The following IGSF10 variants were observed in gnomAD, a reference collection of about 807,000 sequenced individuals.
The protein encoded by IGSF10 is calvaria mechanical force protein 608.
Under a neutral mutation model 128.2 loss-of-function variants are expected in IGSF10, and 126 were observed. That is an observed-to-expected ratio of 0.98 (90% CI 0.85 to 1.14). IGSF10 has a LOEUF of 1.14. IGSF10 is among the 50% of genes most tolerant of loss of function. The pLI is 0.00. For synonymous variants in IGSF10, 1,185 were observed against 1,146.2 expected (o/e 1.03, Z -0.68); for missense variants, 3,295 against 3,149.8 (o/e 1.05, Z -1.10).
the IGSF10 span, among the ~76,000 whole-genome samples, chr3:151,467,305 C>A: frequency 6.6e-6 from 1 of 152,152 alleles, no homozygotes; most frequent in Non-Finnish European, 1.5e-5. Flanking sequence ...CCTGATCAGC[C>A]AGGCCTGTCT....
chr3:151,447,204 G>A lies in IGSF10; in HGVS notation c.2777C>T (p.Thr926Ile). Residue 926 changes from threonine (T) to isoleucine (I), a missense_variant, in exon 6 of 8, where the codon ACT becomes ATT. By Grantham distance (89) the Thr-to-Ile change is moderately conservative. Transcript: ENST00000282466. ...FQSRPPITVR[T>I]MIKDVNVKML... ...TTTGACATTGACATCTTTGATCATAGTCCTTACTGTTATTGGGGGTCTACT... is the reference window on the plus strand; with the variant it reads ...TTTGACATTGACATCTTTGATCATAATCCTTACTGTTATTGGGGGTCTACT... The A allele has an allele frequency of 6.2e-7, 1 of 1,614,184 alleles. No homozygotes were observed. Among genetic ancestry groups the A allele is most frequent in the Non-Finnish European group, 8.5e-7 (1 of 1,180,026 alleles).
the IGSF10 span, among the ~76,000 whole-genome samples, chr3:151,545,848 A>G: frequency 6.6e-6 from 1 of 152,186 alleles, no homozygotes; most frequent in African/African-American, 2.4e-5. Context: ...TGAAATTGTC[A>G]TGAATCAGGA....
the IGSF10 span, among the ~76,000 whole-genome samples, chr3:151,519,673 T>G: frequency 6.6e-6 from 1 of 151,734 alleles, no homozygotes; most frequent in African/African-American, 2.4e-5. Context: ...GTATATAGTG[T>G]GAAAGGCATG....
chr3:151,445,702 C>T lies in IGSF10; in HGVS notation c.4279G>A (p.Ala1427Thr). Residue 1427 changes from alanine to threonine, a missense_variant, in exon 6 of 8, where the codon GCA (alanine) becomes ACA (threonine). By Grantham distance (58) the Ala-to-Thr change is moderately conservative. Coordinates refer to ENST00000282466, the MANE Select transcript of IGSF10 (RefSeq NM_178822.5). ...LTDVIEELAQ[A>T]STQTLKSTIA... is the part of the protein sequence containing the mutation. Reference sequence around the variant, plus strand: ...GTGCTCTTCAAAGTCTGAGTACTTGCTTGGGCTAGTTCTTCAATCACATCT... The same window carrying T: ...GTGCTCTTCAAAGTCTGAGTACTTGTTTGGGCTAGTTCTTCAATCACATCT... 6.2e-7 allele frequency: 1 copy of T among 1,614,222 alleles called. No homozygotes were observed. The highest frequency in any genetic ancestry group is 2.2e-5 in the East Asian group (1 of 44,890).
the IGSF10 span, among the ~76,000 whole-genome samples, chr3:151,489,469 T>C: frequency 2.8e-4 from 42 of 152,330 alleles, no homozygotes; most frequent in African/African-American, 9.9e-4. Flanking sequence ...ATCTCATTAC[T>C]GGGTATATAC....
the IGSF10 span, among the ~76,000 whole-genome samples, chr3:151,471,083 T>TG: frequency 6.6e-6 from 1 of 152,188 alleles, no homozygotes; most frequent in South Asian, 2.1e-4. Context: ...TATTGAATCA[T>TG]GGGGGTGGGT....
chr3:151,458,559 T>TG lies in IGSF10; in HGVS notation c.150dup (p.Ile51HisfsTer21), dbSNP rs775382478. ...ACATTGGGCGGGATGCTGTCTGGGA[T>TG]GGAAGTCAGGTACCGAAATGTGCAG... is the stretch of plus-strand genomic sequence containing the variant. On this transcript the variant is annotated frameshift_variant, in exon 3 of 8. Coordinates refer to ENST00000282466, the MANE Select transcript of IGSF10 (RefSeq NM_178822.5). LOFTEE classifies it high-confidence loss of function. 2 of 1,614,138 alleles carry TG rather than the reference T, an allele frequency of 1.2e-6. No homozygotes were observed. Among genetic ancestry groups the TG allele is most frequent in the South Asian group, 2.2e-5 (2 of 91,066 alleles).
the IGSF10 span, among the ~76,000 whole-genome samples, chr3:151,618,785 A>C: frequency 6.7e-6 from 1 of 149,884 alleles, no homozygotes; most frequent in Non-Finnish European, 1.5e-5. Flanking sequence ...ATTAAAAATA[A>C]AAATAAAATA....
chr3:151,437,688 T>C lies in IGSF10; in HGVS notation c.6873A>G (p.Thr2291=). ...LTAPYYGSRI[T]VHKNGTLEIR... is the part of the protein sequence containing the mutation. Reference sequence around the variant, plus strand: ...TTTCCAAGGTTCCATTTTTATGGACTGTGATTCTGCTTCCATAGTATGGGG... The same window carrying C: ...TTTCCAAGGTTCCATTTTTATGGACCGTGATTCTGCTTCCATAGTATGGGG... Residue 2291 remains threonine (T), a synonymous_variant, in exon 8 of 8, where the codon ACA becomes ACG. Coordinates refer to ENST00000282466, the MANE Select transcript of IGSF10 (RefSeq NM_178822.5). 1.2e-6 allele frequency: 2 copies of C among 1,614,222 alleles called. No homozygotes were observed. The highest frequency in any genetic ancestry group is 1.6e-4 in the Middle Eastern group (1 of 6,062).
At chr3:151,524,867 A>AT in the IGSF10 span, among the ~76,000 whole-genome samples, 1 of 151,716 alleles carries the variant, frequency 6.6e-6, no homozygotes, top group Non-Finnish European at 1.5e-5. Context: ...GTGGATTTTG[A>AT]TTTTTTCCTT....
the IGSF10 span, among the ~76,000 whole-genome samples, chr3:151,571,468 T>C: frequency 6.6e-6 from 1 of 152,174 alleles, no homozygotes; most frequent in Non-Finnish European, 1.5e-5. Flanking sequence ...AGGTATTTTA[T>C]TCTCTTTGTT....
At chr3:151,559,710 G>C in the IGSF10 span, among the ~76,000 whole-genome samples, 1 of 152,208 alleles carries the variant, frequency 6.6e-6, no homozygotes, top group East Asian at 1.9e-4. Flanking sequence ...AGAGGATAGG[G>C]GAGGGTATGG....
chr3:151,559,244 C>G, the IGSF10 span, among the ~76,000 whole-genome samples: 1 of 152,154 alleles, frequency 6.6e-6, no homozygotes. Context: ...AAAGCACAGG[C>G]ACGTACCTGA....
At chr3:151,468,047 G>A in the IGSF10 span, among the ~76,000 whole-genome samples, 1 of 152,244 alleles carries the variant, frequency 6.6e-6, no homozygotes, top group Non-Finnish European at 1.5e-5. Flanking sequence ...AACTCGCTTA[G>A]AGACATTGTT....
At chr3:151,586,464 G>T in the IGSF10 span, among the ~76,000 whole-genome samples, 4 of 151,870 alleles carry the variant, frequency 2.6e-5, no homozygotes, top group Non-Finnish European at 4.4e-5. Flanking sequence ...GCTTATCTGA[G>T]GAATAAAAAC....
chr3:151,601,299 C>T, the IGSF10 span, among the ~76,000 whole-genome samples: 2 of 151,882 alleles, frequency 1.3e-5, no homozygotes, highest in African/African-American at 2.4e-5. Flanking sequence ...AGTGCTAGTC[C>T]GAAAATGATT....
the IGSF10 span, among the ~76,000 whole-genome samples, chr3:151,545,205 C>T: frequency 9.9e-5 from 15 of 151,930 alleles, no homozygotes; most frequent in Non-Finnish European, 2.1e-4. Flanking sequence ...TATTGTGGGC[C>T]TGTTTTCACA....
At chr3:151,513,394 A>C in the IGSF10 span, among the ~76,000 whole-genome samples, 1 of 152,232 alleles carries the variant, frequency 6.6e-6, no homozygotes, top group Non-Finnish European at 1.5e-5. Context: ...CAATAGATGC[A>C]GAAAAGGCCT....
Position 151,448,081 on chromosome 3 carries a change from G to A in IGSF10, c.1900C>T (p.Gln634Ter), listed in dbSNP as rs1654383439. 1 of 1,614,146 alleles carries A rather than the reference G, an allele frequency of 6.2e-7. No homozygotes were observed. Among genetic ancestry groups the A allele is most frequent in the Non-Finnish European group, 8.5e-7 (1 of 1,180,046 alleles). ...VLNNGTLRIL[Q>*]VTPKDQGYYR... The stretch of plus-strand genomic sequence containing the variant: ...TAACCTTGGTCTTTCGGGGTGACCT[G>A]TAATATTCTTAATGTGCCATTGTTT... Residue 634 changes from glutamine (Q) to a stop codon, truncating the protein, a stop_gained, in exon 6 of 8, where the codon CAG becomes TAG. Transcript: ENST00000282466. LOFTEE classifies it high-confidence loss of function.
Sources: gnomAD v4.1 joint callset for allele counts (sites outside exome capture counted in the v4.1 genomes callset) on GRCh38, gnomAD v4.1.1 for gene constraint, MANE v1.5 for transcripts, NCBI Gene and HGNC (gene_info 2026-07-23, HGNC 2026-07-21) for gene names.